KIF27: variants seen among roughly 807,000 people sequenced by gnomAD.
KIF27 encodes the protein kinesin family member 27.
KIF27 carries 84 observed loss-of-function variants against 141.8 expected under a neutral mutation model. The observed-to-expected ratio is 0.59, with a 90% confidence interval of 0.50 to 0.71. KIF27 has a LOEUF of 0.71. KIF27 is among the 30% of genes least tolerant of loss of function. The pLI, the probability that KIF27 is intolerant of heterozygous loss-of-function variation, is 0.00. For synonymous variants in KIF27, 471 were observed against 569.5 expected (o/e 0.83, Z 2.46); for missense variants, 1,306 against 1,628.4 (o/e 0.80, Z 3.41).
chr9:83,914,407 T>G (rs1229959952), intron 2 of KIF27, among the ~76,000 whole-genome samples: 1 of 152,140 alleles, frequency 6.6e-6, no homozygotes, highest in East Asian at 1.9e-4. Context: ...GCAATAAAGA[T>G]TTCCTGAAAC....
intron 13 of KIF27, among the ~76,000 whole-genome samples, chr9:83,860,871 G>A (rs1190301437): frequency 6.7e-6 from 1 of 149,192 alleles, no homozygotes; most frequent in African/African-American, 2.5e-5. Flanking sequence ...CCCTGGATAG[G>A]CTTGATGGGA....
At chr9:83,871,921 C>T (rs1950827500) in intron 11 of KIF27, among the ~76,000 whole-genome samples, 2 of 150,852 alleles carry the variant, frequency 1.3e-5, no homozygotes, top group Admixed American at 1.3e-4. Flanking sequence ...AGGCTGGTCT[C>T]GAACTCCTGA....
intron 9 of KIF27, among the ~76,000 whole-genome samples, chr9:83,885,275 T>C (rs1226736520): frequency 6.6e-6 from 1 of 152,100 alleles, no homozygotes; most frequent in Non-Finnish European, 1.5e-5. Context: ...GTATTTTTAG[T>C]AGAGACAGGG....
chr9:83,869,976 A>G (rs1950637883), intron 12 of KIF27, among the ~76,000 whole-genome samples: 1 of 152,222 alleles, frequency 6.6e-6, no homozygotes, highest in Admixed American at 6.5e-5. Context: ...TTAGCATCAC[A>G]CAATATACCC....
At position 83,836,337 on chromosome 9, in the gene KIF27, T is replaced by A. The variant is rs576554886; in HGVS notation, c.*664A>T. 9.9e-5 allele frequency among the ~76,000 whole-genome samples: 15 copies of A among 152,132 alleles called. No homozygotes were observed. The highest frequency in any genetic ancestry group is 1.9e-4 in the Non-Finnish European group (13 of 68,018). On this transcript the variant is annotated 3_prime_UTR_variant, in exon 18 of 18. Transcript: ENST00000297814. ...AACATAATGAGAGATATATTGAGTG[T>A]ATAGAGCAGGAAAGACATGAAAACT...
rs772051711 is a variant in KIF27 at position 83,859,384 on chromosome 9, A to G, written c.2935-13T>C. On this transcript the variant is annotated splice_polypyrimidine_tract_variant and intron_variant, in intron 13 of 17. Coordinates refer to ENST00000297814, the MANE Select transcript of KIF27 (RefSeq NM_017576.4). ...CTGTGTTTAAGGCCTAAAAGATACAACCCACCAGCCACCTCAAAAACAGTT... is the reference window on the plus strand; with the variant it reads ...CTGTGTTTAAGGCCTAAAAGATACAGCCCACCAGCCACCTCAAAAACAGTT... The G allele has an allele frequency of 6.3e-7, 1 of 1,593,626 alleles. No homozygotes were observed. Among genetic ancestry groups the G allele is most frequent in the South Asian group, 1.1e-5 (1 of 90,624 alleles).
intron 2 of KIF27, among the ~76,000 whole-genome samples, chr9:83,910,592 T>A (rs1317744091): frequency 6.6e-6 from 1 of 152,200 alleles, no homozygotes; most frequent in African/African-American, 2.4e-5. Flanking sequence ...CCAGAGTTGA[T>A]GGCGACAGAG....
intron 14 of KIF27, chr9:83,855,182 A>C (rs1949058094): frequency 6.6e-6 from 1 of 152,084 alleles, no homozygotes; most frequent in Non-Finnish European, 1.5e-5. Context: ...TTACAGGTGC[A>C]TGCCACCACG....
intron 16 of KIF27, among the ~76,000 whole-genome samples, chr9:83,845,380 A>G (rs866285836): frequency 5.4e-4 from 82 of 152,254 alleles, no homozygotes; most frequent in African/African-American, 1.7e-3. Context: ...TCAAATGGAA[A>G]TGCTATATAT....
intron 17 of KIF27, among the ~76,000 whole-genome samples, chr9:83,841,706 A>G (rs1014247639): frequency 2.0e-5 from 3 of 152,150 alleles, no homozygotes; most frequent in African/African-American, 7.2e-5. Flanking sequence ...TTATTTTTGC[A>G]AAGTATATTT....
At chr9:83,921,007 G>C (rs1298611244) in intron 1 of KIF27, among the ~76,000 whole-genome samples, 1 of 152,156 alleles carries the variant, frequency 6.6e-6, no homozygotes, top group Non-Finnish European at 1.5e-5. Context: ...GCAGCGACAC[G>C]AGACGAACAC....
intron 11 of KIF27, among the ~76,000 whole-genome samples, chr9:83,875,642 A>G (rs930370748): frequency 9.9e-5 from 15 of 152,200 alleles, no homozygotes; most frequent in Non-Finnish European, 2.1e-4. Context: ...GCCAAGACAG[A>G]GAACAAGCAA....
intron 11 of KIF27, among the ~76,000 whole-genome samples, chr9:83,878,169 A>C (rs1951367719): frequency 1.2e-5 from 1 of 85,150 alleles, no homozygotes; most frequent in Non-Finnish European, 2.2e-5. Context: ...CTCAAAAAAA[A>C]AAAAAAAAAA....
intron 11 of KIF27, among the ~76,000 whole-genome samples, chr9:83,876,876 A>G (rs1196226312): frequency 6.6e-6 from 1 of 152,176 alleles, no homozygotes; most frequent in Admixed American, 6.5e-5. Flanking sequence ...AGGAGTTCAA[A>G]ACCAGCCTGG....
intron 11 of KIF27, among the ~76,000 whole-genome samples, chr9:83,872,185 G>A (rs181507402): frequency 0.021 from 3,127 of 151,974 alleles, 106 homozygotes; most frequent in African/African-American, 0.069. Context: ...TTAGCCGGGC[G>A]TGTGCCTGTA....
intron 2 of KIF27, among the ~76,000 whole-genome samples, chr9:83,910,762 T>C (rs1473157774): frequency 1.3e-5 from 2 of 152,166 alleles, no homozygotes; most frequent in East Asian, 3.9e-4. Flanking sequence ...CATAACATCA[T>C]GAGTAAACAT....
intron 13 of KIF27, among the ~76,000 whole-genome samples, chr9:83,860,515 A>C (rs1949772386): frequency 6.6e-6 from 1 of 152,164 alleles, no homozygotes; most frequent in South Asian, 2.1e-4. Flanking sequence ...TCATTATTAT[A>C]ACTTTGTTAT....
At chr9:83,851,484 T>G (rs567176063) in intron 15 of KIF27, among the ~76,000 whole-genome samples, 99 of 152,262 alleles carry the variant, frequency 6.5e-4, no homozygotes, top group African/African-American at 2.3e-3. Context: ...CCCACATAGC[T>G]GGGACCACAG....
rs376463665 is a variant in KIF27, at chr9:83,837,105, C to T, written c.4102G>A (p.Ala1368Thr). The change falls in exon 18 of 18, where the codon GCC becomes ACC. Residue 1368 changes from alanine (A) to threonine (T), a missense_variant. This residue lies in a region of KIF27 where 148 missense variants were observed against 250.9 expected (regional missense o/e 0.59). Coordinates refer to ENST00000297814, the MANE Select transcript of KIF27 (RefSeq NM_017576.4). ...LCRKELRQISALELSLRRSSL... is the reference protein window; with the variant it reads ...LCRKELRQISTLELSLRRSSL... ...GAACGTCGCAATGATAGTTCCAAGG[C>T]GGAAATTTGACGTAATTCTTTTCGA... 2.0e-4 allele frequency: 324 copies of T among 1,613,912 alleles called. 3 individuals are homozygous for T. Among genetic ancestry groups the T allele is most frequent in the Middle Eastern group, 1.5e-3 (9 of 6,056 alleles).
Sources: gnomAD v4.1 joint callset for allele counts (sites outside exome capture counted in the v4.1 genomes callset) on GRCh38, gnomAD v4.1.1 for gene constraint, gnomAD v4.1.1 regional missense constraint, MANE v1.5 for transcripts, NCBI Gene and HGNC (gene_info 2026-07-23, HGNC 2026-07-21) for gene names.